Variants in MED15 observed in about 807,000 individuals in gnomAD.
The protein encoded by MED15 is mediator complex subunit 15, also known as mediator of RNA polymerase II transcription subunit 15.
In MED15, 41 loss-of-function variants were observed where a neutral mutation model predicts 118.7. That is an observed-to-expected ratio of 0.35 (90% confidence interval 0.27 to 0.45). The LOEUF is 0.45. Among genes scored for constraint, MED15 ranks in the 20% least tolerant of loss-of-function variants. The pLI, the probability that MED15 is intolerant of heterozygous loss-of-function variation, is 1.00. For missense variants in MED15, 740 were observed against 1,025.5 expected (o/e 0.72, Z 3.80); for synonymous variants, 436 against 413.9 (o/e 1.05, Z -0.65).
chr22:20,507,889 GC>G (rs368300998), intron 1 of MED15, 143 bp downstream of exon 1: 2 of 1,483,600 alleles, frequency 1.3e-6, no homozygotes, highest in Admixed American at 2.4e-5. Context: ...CAGGGCTCGG[GC>G]CCCCCCGTCT....
intron 1 of MED15, among the ~76,000 whole-genome samples, chr22:20,511,146 CTGT>C (rs908224657): frequency 1.3e-5 from 2 of 152,298 alleles, no homozygotes; most frequent in South Asian, 2.1e-4. Context: ...TGTTTTTACA[CTGT>C]TGTTTAAATT....
intron 2 of MED15, among the ~76,000 whole-genome samples, chr22:20,547,047 C>CT (rs1377798500): frequency 6.6e-6 from 1 of 152,080 alleles, no homozygotes; most frequent in Non-Finnish European, 1.5e-5. Flanking sequence ...AGGGTTTTTA[C>CT]TTCTTTCATT....
chr22:20,515,842 A>G (rs2054234184), intron 1 of MED15, among the ~76,000 whole-genome samples: 1 of 151,978 alleles, frequency 6.6e-6, no homozygotes, highest in South Asian at 2.1e-4. Context: ...GTCTCTACTA[A>G]AAATACAAAA....
chr22:20,512,069 G>A (rs1036006111), intron 1 of MED15, among the ~76,000 whole-genome samples: 4 of 144,388 alleles, frequency 2.8e-5, no homozygotes, highest in Non-Finnish European at 4.5e-5. Flanking sequence ...GCTCACTGCA[G>A]CCTTGACCTC....
intron 9 of MED15, among the ~76,000 whole-genome samples, chr22:20,579,822 A>G (rs1307800066): frequency 1.3e-5 from 2 of 152,070 alleles, no homozygotes; most frequent in Non-Finnish European, 2.9e-5. Flanking sequence ...CCCTGTTCCC[A>G]ACCTGTGACA....
At position 20,583,114 on chromosome 22, in the gene MED15, G is replaced by A; in HGVS notation, c.1539G>A (p.Val513=). Residue 513 remains valine, a splice_region_variant and synonymous_variant, in exon 12 of 18, where the codon GTG becomes GTA. Transcript: ENST00000263205. ...GCCTCACCCGCCTGTGTCCTGCAGTGAACCCCAGCTCTGTCATGAGCCCAG... is the reference window on the plus strand; with the variant it reads ...GCCTCACCCGCCTGTGTCCTGCAGTAAACCCCAGCTCTGTCATGAGCCCAG... ...VPSPGPLNTP[V]NPSSVMSPAG... The A allele has an allele frequency of 2.5e-6, 4 of 1,589,312 alleles. No homozygotes were observed. The highest frequency in any genetic ancestry group is 3.4e-6 in the Non-Finnish European group (4 of 1,166,444).
intron 8 of MED15, 39 bp downstream of exon 8, chr22:20,568,670 A>G (rs772654401): frequency 2.5e-6 from 4 of 1,601,392 alleles, no homozygotes. Context: ...AGTCATCAGC[A>G]GGTGCATGTT....
intron 8 of MED15, 143 bp from the exon 9 acceptor site, chr22:20,574,970 C>T: frequency 1.7e-6 from 2 of 1,210,002 alleles, no homozygotes; most frequent in Admixed American, 4.0e-5. Context: ...GGGTGGCCTC[C>T]CCTCCCAGGC....
chr22:20,582,396 G>A, intron 9 of MED15: 3 of 716,566 alleles, frequency 4.2e-6, no homozygotes, highest in Non-Finnish European at 6.7e-6. Flanking sequence ...GGGCTGCCCT[G>A]CCTGGGCCCC....
intron 1 of MED15, among the ~76,000 whole-genome samples, chr22:20,534,235 A>G (rs1357485427): frequency 6.6e-6 from 1 of 151,870 alleles, no homozygotes; most frequent in Non-Finnish European, 1.5e-5. Context: ...TGCTGTTTCT[A>G]CTGCTCTTCC....
At chr22:20,546,136 C>T (rs1371515550) in intron 2 of MED15, among the ~76,000 whole-genome samples, 3 of 152,172 alleles carry the variant, frequency 2.0e-5, no homozygotes, top group Admixed American at 2.0e-4. Context: ...AAACGAGGGT[C>T]TTTTCTCCCC....
intron 2 of MED15, among the ~76,000 whole-genome samples, chr22:20,543,928 T>G (rs1417725581): frequency 6.6e-6 from 1 of 152,250 alleles, no homozygotes; most frequent in African/African-American, 2.4e-5. Context: ...CTTATGATTC[T>G]GCCTTCCACA....
At chr22:20,534,483 C>A (rs936348974) in intron 1 of MED15, among the ~76,000 whole-genome samples, 2 of 152,064 alleles carry the variant, frequency 1.3e-5, no homozygotes, top group African/African-American at 4.8e-5. Context: ...GTGTTTGCCC[C>A]ACTGCGCTGC....
chr22:20,565,092 TCCAG>T (rs1320676358), intron 6 of MED15, among the ~76,000 whole-genome samples: 1 of 152,140 alleles, frequency 6.6e-6, no homozygotes, highest in East Asian at 1.9e-4. Context: ...GCCGCTGCGC[TCCAG>T]CCTGGGCAGC....
intron 9 of MED15, among the ~76,000 whole-genome samples, chr22:20,577,065 CTTG>C (rs1327224495): frequency 6.6e-6 from 1 of 152,314 alleles, no homozygotes; most frequent in East Asian, 1.9e-4. Context: ...CTCACTGTTT[CTTG>C]TTGTAGCAGG....
Position 20,564,573 on chromosome 22 carries a change from A to G in MED15, c.575A>G (p.Gln192Arg), listed in dbSNP as rs2056366020. ...QQQQQQQFQA[Q>R]QSAMQQQFQA... ...CAGCAACAGCAGCAGTTCCAGGCTC[A>G]GCAGAGTGCCATGCAGCAGCAGTTC... Residue 192 changes from glutamine to arginine, a missense_variant, in exon 6 of 18, where the codon CAG (glutamine) becomes CGG (arginine). Gln to Arg is a conservative substitution (Grantham distance 43). This residue lies in a region of MED15 where 384 missense variants were observed against 506.3 expected (regional missense o/e 0.76). Coordinates refer to ENST00000263205, the MANE Select transcript of MED15 (RefSeq NM_001003891.3). 1 of 1,608,944 alleles carries G rather than the reference A, an allele frequency of 6.2e-7. No homozygotes were observed. The highest frequency in any genetic ancestry group is 8.5e-7 in the Non-Finnish European group (1 of 1,176,554).
intron 14 of MED15, 98 bp downstream of exon 14, chr22:20,584,523 G>A (rs1203823015): frequency 3.6e-6 from 5 of 1,406,904 alleles, no homozygotes; most frequent in African/African-American, 2.8e-5. Flanking sequence ...GCATCTGGGC[G>A]GGGGCCGGGC....
In MED15 at chr22:20,566,602, C is replaced by G. The variant is rs1021226653; in HGVS notation, c.826C>G (p.Gln276Glu). ...AQPPIQQPPM[Q>E]QPQPPPSQAL... ...GCCACCAATTCAGCAGCCACCGATG[C>G]AGCAGCCACAGCCTCCGCCCTCCCA... is the stretch of plus-strand genomic sequence containing the variant. Residue 276 changes from glutamine (Q) to glutamate (E), a missense_variant, in exon 7 of 18, where the codon CAG (glutamine) becomes GAG (glutamate). Gln to Glu is a conservative substitution (Grantham distance 29). Coordinates refer to ENST00000263205, the MANE Select transcript of MED15 (RefSeq NM_001003891.3). 8 of 1,613,886 alleles carry G rather than the reference C, an allele frequency of 5.0e-6. No individual in the cohort carries two copies. Among genetic ancestry groups the G allele is most frequent in the African/African-American group, 1.3e-5 (1 of 74,932 alleles).
intron 17 of MED15, 73 bp downstream of exon 17, chr22:20,585,899 T>C (rs2057121018): frequency 2.8e-6 from 4 of 1,423,480 alleles, no homozygotes; most frequent in East Asian, 2.4e-5. Context: ...AGGCTTCCAC[T>C]GCAGCAGGGA....
Sources: allele counts gnomAD v4.1 joint callset (sites outside exome capture counted in the v4.1 genomes callset), GRCh38; gene constraint gnomAD v4.1.1; regional missense constraint gnomAD v4.1.1; transcripts MANE v1.5; gene names NCBI Gene and HGNC (gene_info 2026-07-23, HGNC 2026-07-21).